NRDC: variants seen among roughly 807,000 people sequenced by gnomAD.
The protein encoded by NRDC is nardilysin.
NRDC carries 54 observed loss-of-function variants against 147.1 expected under a neutral mutation model. The ratio of observed to expected loss-of-function variants is 0.37; its 90% CI spans 0.29 to 0.46. The LOEUF (loss-of-function observed/expected upper bound fraction) is 0.46, where lower values mean the gene tolerates loss of function less well. Ranked by LOEUF, NRDC falls within the 20% of genes least tolerant of loss-of-function variation. The probability of loss-of-function intolerance (pLI) is 1.00; values close to 1 mark genes in which losing one functional copy is unlikely to be tolerated. For synonymous variants in NRDC, 440 were observed against 482.1 expected, an observed-to-expected ratio of 0.91 and a Z score of 1.14; for missense variants, 1,082 against 1,370.6, an observed-to-expected ratio of 0.79 and a Z score of 3.33.
rs1445016968 is a variant in NRDC, at chr1:51,792,164, CAG to C, written c.2824-68_2824-67del. On this transcript the variant is annotated intron_variant, in intron 25 of 30. Coordinates refer to ENST00000352171, the MANE Select transcript of NRDC (RefSeq NM_001101662.2). ...GCAGAGAAACCTCCATTTCTCTCCCCAGAGTGTTTCACATACCTCCCAAGTCC... is the reference window on the plus strand; with the variant it reads ...GCAGAGAAACCTCCATTTCTCTCCCCAGTGTTTCACATACCTCCCAAGTCC... The C allele has an allele frequency of 8.2e-6, 13 of 1,592,254 alleles. No individual in the cohort carries two copies. In the South Asian group the frequency reaches 9.9e-5, roughly 12 times the overall value.
chr1:51,859,087 A>G (rs1682403528), intron 1 of NRDC, among the ~76,000 whole-genome samples: 9 of 152,160 alleles, frequency 5.9e-5, no homozygotes. Context: ...TTCACCTAAG[A>G]GTTGTCCCAT....
Position 51,861,366 on chromosome 1 carries a change from G to C in NRDC, c.341+16909C>G, listed in dbSNP as rs1682532897. ...TTTTTTTGAGACAAAGTCTTGCTCT[G>C]TTGCCCAGGCTGGAGTGCAGTGGCA... On this transcript the variant is annotated intron_variant, in intron 1 of 30. Transcript: ENST00000352171. 2.5e-5 allele frequency among the ~76,000 whole-genome samples: 3 copies of C among 118,326 alleles called. No homozygotes were observed. In the Admixed American group the frequency reaches 3.2e-4, roughly 13 times the overall value. 77.6% of individuals were successfully genotyped at this position (118,326 alleles called of 152,430 possible).
chr1:51,845,511 C>T (rs941341850), intron 1 of NRDC, among the ~76,000 whole-genome samples: 2 of 151,974 alleles, frequency 1.3e-5, no homozygotes, highest in African/African-American at 2.4e-5. Flanking sequence ...GAGAATCACT[C>T]GAACCCGGGA....
At chr1:51,869,618 C>T (rs1303388250) in intron 1 of NRDC, among the ~76,000 whole-genome samples, 3 of 152,196 alleles carry the variant, frequency 2.0e-5, no homozygotes, top group Non-Finnish European at 2.9e-5. Flanking sequence ...GTATTATTTT[C>T]ATTGTAAAAC....
In NRDC at chr1:51,874,085, C is replaced by T. The variant is rs575048704; in HGVS notation, c.341+4190G>A. Among the ~76,000 whole-genome samples the T allele has an allele frequency of 2.0e-5, 3 of 150,166 alleles. No homozygotes were observed. The South Asian group carries it at 6.4e-4, about 32-fold the overall frequency. ...CATGGTGGGGCAGGTTGTGATGGTGCCTCTGTACTCCAGCCTGGGCGATGA... is the reference window on the plus strand; with the variant it reads ...CATGGTGGGGCAGGTTGTGATGGTGTCTCTGTACTCCAGCCTGGGCGATGA... On this transcript the variant is annotated intron_variant, in intron 1 of 30. Coordinates refer to ENST00000352171, the MANE Select transcript of NRDC (RefSeq NM_001101662.2).
intron 1 of NRDC, among the ~76,000 whole-genome samples, chr1:51,847,511 G>C (rs977288484): frequency 6.6e-6 from 1 of 152,220 alleles, no homozygotes; most frequent in Non-Finnish European, 1.5e-5. Flanking sequence ...TGCAGGTCCC[G>C]AGCCCTGCCC....
chr1:51,829,104 C>A (rs1218738360), intron 4 of NRDC, among the ~76,000 whole-genome samples: 2 of 152,096 alleles, frequency 1.3e-5, no homozygotes, highest in Non-Finnish European at 2.9e-5. Context: ...TTCTGTCACC[C>A]AGACTGGAGT....
rs372480033 is a variant in NRDC at position 51,798,208 on chromosome 1, A to G, written c.2604+41T>C. On this transcript the variant is annotated intron_variant, in intron 22 of 30. Coordinates refer to ENST00000352171, the MANE Select transcript of NRDC (RefSeq NM_001101662.2). ...GAACTATGGCAATTCCAGAGTTCAC[A>G]ACTGCATTCAGACCTGGCCTACAGA... 3.7e-6 allele frequency: 6 copies of G among 1,600,878 alleles called. No homozygotes were observed. In the African/African-American group the frequency reaches 8.0e-5, roughly 21 times the overall value.
Position 51,789,655 on chromosome 1 carries a change from A to C in NRDC, c.3171T>G (p.Ile1057Met). 6.2e-7 allele frequency: 1 copy of C among 1,609,162 alleles called. No individual in the cohort carries two copies. The highest frequency in any genetic ancestry group is 8.5e-7 in the Non-Finnish European group (1 of 1,175,526). The change falls in exon 30 of 31, where the codon ATT becomes ATG. Residue 1057 changes from isoleucine to methionine, a missense_variant and splice_region_variant. By Grantham distance (10) the Ile-to-Met change is conservative. Coordinates refer to ENST00000352171, the MANE Select transcript of NRDC (RefSeq NM_001101662.2). ...QYLFDRLAHE[I>M]EALKSFSKSD... ...ATTTTGAGAATGACTTCAGTGCTTC[A>C]ATCTTACAAGGGAAGGGAAGATAGG...
At chr1:51,820,999 T>G (rs371915980) in intron 8 of NRDC, among the ~76,000 whole-genome samples, 1 of 152,098 alleles carries the variant, frequency 6.6e-6, no homozygotes, top group Admixed American at 6.5e-5. Flanking sequence ...CAATTTCTTA[T>G]AAAAGAACAT....
At chr1:51,805,595 AG>A (rs1557902731) in intron 18 of NRDC, 34 bp from the exon 19 acceptor site, 1 of 1,368,670 alleles carries the variant, frequency 7.3e-7, no homozygotes, top group Non-Finnish European at 1.0e-6. Context: ...AAAAAAGGTT[AG>A]GGGCCTCAGA....
chr1:51,798,285 A>G lies in NRDC; in HGVS notation c.2568T>C (p.Phe856=). The G allele has an allele frequency of 6.2e-7, 1 of 1,614,148 alleles. No individual in the cohort carries two copies. Among genetic ancestry groups the G allele is most frequent in the Middle Eastern group, 1.6e-4 (1 of 6,062 alleles). Residue 856 remains phenylalanine (F), a synonymous_variant, in exon 22 of 31, where the codon TTT becomes TTC. Transcript: ENST00000352171. ...CATTCCCTTGTACCAGGCCCTCCACAAAGAGCTGGGATTTGAATTCTTTGA... is the reference window on the plus strand; with the variant it reads ...CATTCCCTTGTACCAGGCCCTCCACGAAGAGCTGGGATTTGAATTCTTTGA... ...SFVKEFKSQL[F]VEGLVQGNVT...
chr1:51,873,882 C>T (rs1009898150), intron 1 of NRDC, among the ~76,000 whole-genome samples: 1 of 151,706 alleles, frequency 6.6e-6, no homozygotes, highest in African/African-American at 2.4e-5. Context: ...AAGGACTTGC[C>T]CTTCAGAAGT....
Position 51,835,492 on chromosome 1 carries a change from A to T in NRDC, c.712+639T>A, listed in dbSNP as rs374732799. ...GTTTTTTTTTTTTTTTTTTTGAGAC[A>T]GTCTTGCTCTATCACCCAAGCTGGA... On this transcript the variant is annotated intron_variant, in intron 3 of 30. Transcript: ENST00000352171. Among the ~76,000 whole-genome samples the T allele has an allele frequency of 1.7e-4, 21 of 126,684 alleles. No individual in the cohort carries two copies. The East Asian group carries it at 4.5e-3, about 27-fold the overall frequency. The allele number at this position is 126,684 out of a possible 152,430, so 83.1% of individuals were successfully genotyped here.
At chr1:51,800,826 C>A (rs1186159825) in intron 20 of NRDC, 143 bp from the exon 21 acceptor site, 2 of 754,368 alleles carry the variant, frequency 2.7e-6, no homozygotes, top group Non-Finnish European at 2.1e-6. Context: ...ACTAACAACT[C>A]AATTTGTTCG....
chr1:51,810,299 T>C lies in NRDC; in HGVS notation c.1885A>G (p.Thr629Ala). 6.2e-7 allele frequency: 1 copy of C among 1,608,948 alleles called. No homozygotes were observed. The highest frequency in any genetic ancestry group is 8.5e-7 in the Non-Finnish European group (1 of 1,176,060). The change falls in exon 16 of 31, where the codon ACT becomes GCT. Residue 629 changes from threonine to alanine, a missense_variant. This residue lies in a region of NRDC where 635 missense variants were observed against 923.8 expected (regional missense o/e 0.69). Transcript: ENST00000352171. ...ATTTTACCTTCTATACTATATTGAG[T>C]TCCAAACCATTTCTCCTTGAGGTCA... ...KCDLKEKWFG[T>A]QYSIEDIENS...
chr1:51,847,830 C>T (rs1466997872), intron 1 of NRDC, among the ~76,000 whole-genome samples: 1 of 152,244 alleles, frequency 6.6e-6, no homozygotes, highest in Non-Finnish European at 1.5e-5. Context: ...GCAGCGGCGG[C>T]CTGAAGAGCC....
chr1:51,857,453 C>T (rs1004806620), intron 1 of NRDC, among the ~76,000 whole-genome samples: 1 of 152,184 alleles, frequency 6.6e-6, no homozygotes, highest in African/African-American at 2.4e-5. Context: ...CTCAGTTAAA[C>T]TCTGTTAAAT....
intron 1 of NRDC, among the ~76,000 whole-genome samples, chr1:51,866,034 C>T (rs2792588): frequency 0.022 from 3,403 of 151,400 alleles, 112 homozygotes; most frequent in African/African-American, 0.078. Flanking sequence ...ACAGCCTGGG[C>T]GACAGAGCAA....
Sources: gnomAD v4.1 joint callset for allele counts (sites outside exome capture counted in the v4.1 genomes callset) on GRCh38, gnomAD v4.1.1 for gene constraint, gnomAD v4.1.1 regional missense constraint, MANE v1.5 for transcripts, NCBI Gene and HGNC (gene_info 2026-07-23, HGNC 2026-07-21) for gene names.